Variants in MTFR2 observed in about 807,000 individuals in gnomAD.
MTFR2 encodes mitochondrial fission regulator 2.
A neutral mutation model predicts 41.2 loss-of-function variants in MTFR2; 44 were observed. The observed-to-expected ratio is 1.07, with a 90% CI of 0.84 to 1.37. The LOEUF (loss-of-function observed/expected upper bound fraction) is 1.37, where lower values mean the gene tolerates loss of function less well. Ranked by LOEUF, MTFR2 falls within the 40% of genes most tolerant of loss-of-function variation. The pLI is 0.00. For synonymous variants in MTFR2, 141 were observed against 154.6 expected (o/e 0.91, Z 0.65); for missense variants, 452 against 459.5 (o/e 0.98, Z 0.15).
At chr6:136,239,281 G>A (rs995346426) in intron 6 of MTFR2, among the ~76,000 whole-genome samples, 185 bp downstream of exon 6, 6 of 151,970 alleles carry the variant, frequency 3.9e-5, no homozygotes, top group African/African-American at 1.5e-4. Context: ...TCAAAAATAT[G>A]GTGATAAGAG....
Position 136,249,121 on chromosome 6 carries a change from C to A in MTFR2, c.-22G>T, listed in dbSNP as rs192469545. 4 of 1,556,040 alleles carry A rather than the reference C, an allele frequency of 2.6e-6. No homozygotes were observed. The East Asian group carries it at 9.4e-5, about 37-fold the overall frequency. On this transcript the variant is annotated 5_prime_UTR_variant, in exon 2 of 8. Coordinates refer to ENST00000420702, the MANE Select transcript of MTFR2 (RefSeq NM_001099286.3). The stretch of plus-strand genomic sequence containing the variant: ...ACATTGATGAAGCAAATACAGAAGC[C>A]AATTCAAAGGAACATTATCAGTTTC...
chr6:136,233,474 T>G lies in MTFR2; in HGVS notation c.895A>C (p.Lys299Gln). 6.4e-7 allele frequency: 1 copy of G among 1,569,994 alleles called. No homozygotes were observed. The highest frequency in any genetic ancestry group is 1.3e-5 in the African/African-American group (1 of 74,084). ...CAATGTGAATTCTGTCTTTTCCTCT[T>G]ATGAATGGGTCTACCGCCAGGTGAC... ...ERSPGGRPIHKRKRQNSHWDP... is the reference protein window; with the variant it reads ...ERSPGGRPIHQRKRQNSHWDP... Residue 299 changes from lysine to glutamine, a missense_variant, in exon 7 of 8, where the codon AAG becomes CAG. By Grantham distance (53) the Lys-to-Gln change is moderately conservative. Transcript: ENST00000420702.
At chr6:136,245,093 T>C (rs1170325769) in intron 2 of MTFR2, among the ~76,000 whole-genome samples, 1 of 152,108 alleles carries the variant, frequency 6.6e-6, no homozygotes, top group Admixed American at 6.5e-5. Flanking sequence ...AAAGAGATGG[T>C]AGTAAACATA....
intron 3 of MTFR2, 79 bp from the exon 4 acceptor site, chr6:136,243,052 G>C: frequency 7.2e-6 from 6 of 835,940 alleles, no homozygotes; most frequent in South Asian, 4.0e-5. Flanking sequence ...TATTAAATTA[G>C]TTAACAATCC....
At position 136,241,531 on chromosome 6, in the gene MTFR2, C is replaced by T; in HGVS notation, c.427G>A (p.Ala143Thr). 6.2e-7 allele frequency: 1 copy of T among 1,614,136 alleles called. No individual in the cohort carries two copies. Among genetic ancestry groups the T allele is most frequent in the Non-Finnish European group, 8.5e-7 (1 of 1,180,018 alleles). The change falls in exon 5 of 8, where the codon GCT becomes ACT. Residue 143 changes from alanine (A) to threonine (T), a missense_variant. Ala to Thr is a moderately conservative substitution (Grantham distance 58). Transcript: ENST00000420702. ...PVNEAAIRKI[A>T]ALENELTFLR... ...AAAGTCAGCTCATTTTCAAGGGCAG[C>T]TATTTTTCTAATTGCAGCTTCATTT...
At position 136,233,436 on chromosome 6, in the gene MTFR2, A is replaced by G. The variant is rs982988010; in HGVS notation, c.933T>C (p.Ser311=). 1.3e-6 allele frequency: 2 copies of G among 1,599,672 alleles called. No homozygotes were observed. The highest frequency in any genetic ancestry group is 3.3e-5 in the Admixed American group (2 of 59,766). ...KRQNSHWDPV[S]LISHALKQKF... is the part of the protein sequence containing the mutation. ...TCTGTTTAAGTGCATGAGATATTAA[A>G]GAAACTGGATCCCAATGTGAATTCT... Residue 311 remains serine (S), a synonymous_variant, in exon 7 of 8, where the codon TCT becomes TCC. Coordinates refer to ENST00000420702, the MANE Select transcript of MTFR2 (RefSeq NM_001099286.3).
intron 6 of MTFR2, among the ~76,000 whole-genome samples, chr6:136,234,152 C>T (rs1779842603): frequency 6.6e-6 from 1 of 151,432 alleles, no homozygotes; most frequent in Admixed American, 6.6e-5. Context: ...GGTAACATAG[C>T]GAGACCCCAT....
In MTFR2 at chr6:136,241,390, T is replaced by C. The variant is rs533614778; in HGVS notation, c.514+54A>G. On this transcript the variant is annotated intron_variant, in intron 5 of 7. Coordinates refer to ENST00000420702, the MANE Select transcript of MTFR2 (RefSeq NM_001099286.3). ...CAGTATCATGCTGTACAGGTTGGTA[T>C]AGGCTATACCATGAGTATCATCTAA... The C allele has an allele frequency of 4.2e-6, 6 of 1,445,374 alleles. No individual in the cohort carries two copies. The Admixed American group carries it at 7.7e-5, about 19-fold the overall frequency. The allele number at this position is 1,445,374 out of a possible 1,614,324, so 89.5% of individuals were successfully genotyped here. A position where few individuals can be genotyped will look rare whatever the true frequency, so the allele number is the denominator to read the frequency against.
chr6:136,242,904 A>C lies in MTFR2; in HGVS notation c.238T>G (p.Leu80Val). The change falls in exon 4 of 8, where the codon TTG becomes GTG. Residue 80 changes from leucine to valine, a missense_variant. Coordinates refer to ENST00000420702, the MANE Select transcript of MTFR2 (RefSeq NM_001099286.3). ...GSMVPSFADI[L>V]YVANDEEASY... ...GCTTCTTCATCATTTGCCACATACAAAATATCAGCAAAAGATGGAACCATA... is the reference window on the plus strand; with the variant it reads ...GCTTCTTCATCATTTGCCACATACACAATATCAGCAAAAGATGGAACCATA... The C allele has an allele frequency of 6.2e-7, 1 of 1,613,512 alleles. No homozygotes were observed. Among genetic ancestry groups the C allele is most frequent in the Non-Finnish European group, 8.5e-7 (1 of 1,179,884 alleles).
At chr6:136,241,383 G>A in intron 5 of MTFR2, 61 bp downstream of exon 5, 1 of 1,304,814 alleles carries the variant, frequency 7.7e-7, no homozygotes. Flanking sequence ...TGCTGTACAG[G>A]TTGGTATAGG....
Position 136,241,485 on chromosome 6 carries a change from G to T in MTFR2, c.473C>A (p.Ala158Glu). ...ELTFLRSQIA[A>E]IVEMQELKNS... ...TTTCAGTTCCTGCATTTCCACAATT[G>T]CTGCAATCTGAGAGCGAAGAAAAGT... The change falls in exon 5 of 8, where the codon GCA becomes GAA. Residue 158 changes from alanine (A) to glutamate (E), a missense_variant. Ala to Glu is a moderately radical substitution (Grantham distance 107, BLOSUM62 -1). Transcript: ENST00000420702. 1 of 1,613,904 alleles carries T rather than the reference G, an allele frequency of 6.2e-7. No individual in the cohort carries two copies. Among genetic ancestry groups the T allele is most frequent in the Non-Finnish European group, 8.5e-7 (1 of 1,179,954 alleles).
At chr6:136,248,921 C>T in intron 2 of MTFR2, 116 bp downstream of exon 2, 2 of 833,138 alleles carry the variant, frequency 2.4e-6, no homozygotes, top group Admixed American at 3.1e-5. Context: ...ACCTTTGTTC[C>T]AACTAAAAAG....
chr6:136,235,436 C>A (rs924062428), intron 6 of MTFR2, among the ~76,000 whole-genome samples: 2 of 152,020 alleles, frequency 1.3e-5, no homozygotes, highest in East Asian at 3.9e-4. Flanking sequence ...GAGTCATAAG[C>A]ATACAGCTGG....
chr6:136,242,256 G>A (rs1780100398), intron 4 of MTFR2, among the ~76,000 whole-genome samples: 1 of 152,026 alleles, frequency 6.6e-6, no homozygotes, highest in African/African-American at 2.4e-5. Flanking sequence ...AACAAACTTT[G>A]CTTTTAGATT....
At chr6:136,241,047 T>C (rs56820050) in intron 5 of MTFR2, among the ~76,000 whole-genome samples, 2,111 of 147,328 alleles carry the variant, frequency 0.014, 49 homozygotes, top group African/African-American at 0.048. Flanking sequence ...GCCAAGATCG[T>C]GCCACTGCAC....
intron 3 of MTFR2, among the ~76,000 whole-genome samples, 191 bp downstream of exon 3, chr6:136,244,574 A>C (rs1780165908): frequency 6.6e-6 from 1 of 152,204 alleles, no homozygotes; most frequent in Non-Finnish European, 1.5e-5. Context: ...CCCATCATTA[A>C]ACGATGCATG....
chr6:136,237,943 G>C (rs982150283), intron 6 of MTFR2, among the ~76,000 whole-genome samples: 24 of 152,138 alleles, frequency 1.6e-4, no homozygotes, highest in Admixed American at 5.9e-4. Flanking sequence ...ATAGAAAAAA[G>C]GGGGCAAGAA....
intron 1 of MTFR2, 37 bp from the exon 2 acceptor site, chr6:136,249,190 A>C (rs1780296608): frequency 2.1e-6 from 2 of 961,462 alleles, no homozygotes; most frequent in African/African-American, 3.5e-5. Context: ...ACTCTTGACA[A>C]ATAAATGCCA....
intron 6 of MTFR2, among the ~76,000 whole-genome samples, chr6:136,234,153 G>A (rs988575563): frequency 6.6e-5 from 10 of 151,742 alleles, no homozygotes; most frequent in East Asian, 3.9e-4. Flanking sequence ...GTAACATAGC[G>A]AGACCCCATC....
Sources: allele counts gnomAD v4.1 joint callset (sites outside exome capture counted in the v4.1 genomes callset), GRCh38; gene constraint gnomAD v4.1.1; transcripts MANE v1.5; gene names NCBI Gene and HGNC (gene_info 2026-07-23, HGNC 2026-07-21).